RCAN2: variants seen among roughly 807,000 people sequenced by gnomAD.
The protein encoded by RCAN2 is calcipressin-2.
A neutral mutation model predicts 23.6 loss-of-function variants in RCAN2; 9 were observed. The ratio of observed to expected loss-of-function variants is 0.38; its 90% CI spans 0.23 to 0.67. RCAN2 has a LOEUF of 0.67. Ranked by LOEUF, RCAN2 falls within the 30% of genes least tolerant of loss-of-function variation. The pLI, the probability that RCAN2 is intolerant of heterozygous loss-of-function variation, is 0.51. For missense variants in RCAN2, 273 were observed against 302.3 expected (o/e 0.90, Z 0.72); for synonymous variants, 109 against 115.7 (o/e 0.94, Z 0.37).
chr6:46,454,511 A>G (rs1380760069), intron 2 of RCAN2, among the ~76,000 whole-genome samples: 1 of 152,138 alleles, frequency 6.6e-6, no homozygotes, highest in East Asian at 1.9e-4. Context: ...TGGTATCCTA[A>G]AGACTGTCCA....
At chr6:46,352,367 A>G (rs1764681269) in intron 2 of RCAN2, among the ~76,000 whole-genome samples, 2 of 152,212 alleles carry the variant, frequency 1.3e-5, no homozygotes, top group African/African-American at 4.8e-5. Context: ...ATTTGTACCC[A>G]AATCTCTGAG....
At chr6:46,291,872 G>A (rs1206805942) in intron 2 of RCAN2, among the ~76,000 whole-genome samples, 1 of 152,094 alleles carries the variant, frequency 6.6e-6, no homozygotes, top group Non-Finnish European at 1.5e-5. Context: ...GGGAAAGTAC[G>A]TGGAATTTGA....
chr6:46,388,029 C>T (rs1229689671), intron 2 of RCAN2, among the ~76,000 whole-genome samples: 2 of 151,750 alleles, frequency 1.3e-5, no homozygotes, highest in African/African-American at 2.4e-5. Context: ...CGCACGTTCT[C>T]ACTCATAGGT....
At position 46,425,992 on chromosome 6, in the gene RCAN2, G is replaced by A. The variant is rs142545658; in HGVS notation, c.225+30760C>T. Among the ~76,000 whole-genome samples, 276 of 149,256 alleles carry A rather than the reference G, an allele frequency of 1.8e-3. 1 individual carries two copies. Among genetic ancestry groups the A allele is most frequent in the African/African-American group, 6.1e-3 (245 of 40,426 alleles). ...TGGCTCACTGCAACCTCTGTCTCCC[G>A]GGTTCAAGCGATTCTCCTGCCTCAG... On this transcript the variant is annotated intron_variant, in intron 2 of 4. Coordinates refer to ENST00000371374, the MANE Select transcript of RCAN2 (RefSeq NM_001251974.2).
chr6:46,348,971 C>T (rs1253040558), intron 2 of RCAN2, among the ~76,000 whole-genome samples: 1 of 152,140 alleles, frequency 6.6e-6, no homozygotes, highest in Non-Finnish European at 1.5e-5. Flanking sequence ...TATATCGATA[C>T]TACATCTACA....
chr6:46,304,855 ACTAAGCAATTG>A (rs1291318614), intron 2 of RCAN2, among the ~76,000 whole-genome samples: 1 of 152,176 alleles, frequency 6.6e-6, no homozygotes, highest in East Asian at 1.9e-4. Flanking sequence ...TTAACACCTC[ACTAAGCAATTG>A]CACAATTTAC....
chr6:46,288,100 A>C (rs2150343185), intron 2 of RCAN2, among the ~76,000 whole-genome samples: 1 of 152,310 alleles, frequency 6.6e-6, no homozygotes, highest in Non-Finnish European at 1.5e-5. Context: ...TTAAATAAGA[A>C]CACAGTCAAG....
intron 2 of RCAN2, among the ~76,000 whole-genome samples, chr6:46,385,290 C>T (rs762014213): frequency 1.4e-4 from 22 of 152,130 alleles, no homozygotes; most frequent in Non-Finnish European, 2.8e-4. Context: ...TAGCAGCATT[C>T]TACAATACAC....
At chr6:46,365,802 T>G (rs1452570662) in intron 2 of RCAN2, among the ~76,000 whole-genome samples, 1 of 152,226 alleles carries the variant, frequency 6.6e-6, no homozygotes, top group East Asian at 1.9e-4. Flanking sequence ...GAGCAAACAA[T>G]TAATTGACTA....
intron 2 of RCAN2, among the ~76,000 whole-genome samples, chr6:46,395,577 T>C (rs535980843): frequency 6.6e-6 from 1 of 152,324 alleles, no homozygotes; most frequent in Non-Finnish European, 1.5e-5. Context: ...ATATGTCAGA[T>C]TGTTTCAGTA....
chr6:46,407,482 A>T (rs1479198348), intron 2 of RCAN2, among the ~76,000 whole-genome samples: 1 of 152,232 alleles, frequency 6.6e-6, no homozygotes, highest in Non-Finnish European at 1.5e-5. Context: ...TCAGGCAAAG[A>T]TCCCATCTTT....
intron 2 of RCAN2, among the ~76,000 whole-genome samples, chr6:46,443,186 T>C (rs1046141651): frequency 2.0e-5 from 3 of 152,232 alleles, no homozygotes; most frequent in African/African-American, 7.2e-5. Flanking sequence ...GTATTCCTTA[T>C]ATATTTTATG....
At chr6:46,280,931 C>G (rs1733902677) in intron 2 of RCAN2, among the ~76,000 whole-genome samples, 1 of 152,070 alleles carries the variant, frequency 6.6e-6, no homozygotes, top group African/African-American at 2.4e-5. Flanking sequence ...GAGATGTCAT[C>G]TTTTCCCTAA....
intron 2 of RCAN2, among the ~76,000 whole-genome samples, chr6:46,295,546 C>A (rs1029366974): frequency 8.6e-5 from 13 of 151,882 alleles, no homozygotes; most frequent in African/African-American, 3.1e-4. Context: ...TGAAGAGGGG[C>A]CAGAGTAAGA....
At chr6:46,427,064 G>A (rs910515399) in intron 2 of RCAN2, among the ~76,000 whole-genome samples, 2 of 152,096 alleles carry the variant, frequency 1.3e-5, no homozygotes, top group Admixed American at 6.5e-5. Flanking sequence ...CTTATTAGGA[G>A]GGTAAGAGAG....
intron 2 of RCAN2, among the ~76,000 whole-genome samples, chr6:46,309,579 C>T (rs1401255170): frequency 6.6e-6 from 1 of 152,104 alleles, no homozygotes; most frequent in Admixed American, 6.6e-5. Flanking sequence ...TAGGTTGGTG[C>T]TCAAGGTCAT....
chr6:46,223,176 G>T lies in RCAN2; in HGVS notation c.697C>A (p.Arg233=). 1 of 1,613,740 alleles carries T rather than the reference G, an allele frequency of 6.2e-7. No individual in the cohort carries two copies. The highest frequency in any genetic ancestry group is 1.1e-5 in the South Asian group (1 of 91,052). ...ACGGAGGGTGGCAGGCCAGGACGCC[G>T]AGTTTGGATGATTTTTGGCTTTGGG... The part of the protein sequence containing the change: ...TSPKPKIIQT[R]RPGLPPSVSN The change falls in exon 5 of 5, where the codon CGG becomes AGG. Residue 233 remains arginine, a synonymous_variant. Transcript: ENST00000371374.
intron 2 of RCAN2, among the ~76,000 whole-genome samples, chr6:46,363,255 T>G (rs1420291732): frequency 6.6e-6 from 1 of 152,142 alleles, no homozygotes; most frequent in Admixed American, 6.5e-5. Context: ...TTTCTTGTCT[T>G]GTGTGTATCA....
intron 2 of RCAN2, among the ~76,000 whole-genome samples, chr6:46,455,458 A>C (rs1282704346): frequency 1.3e-5 from 2 of 152,202 alleles, no homozygotes; most frequent in Admixed American, 1.3e-4. Context: ...TAATTATGCC[A>C]GACACAGACT....
Sources: gnomAD v4.1 joint callset for allele counts (sites outside exome capture counted in the v4.1 genomes callset) on GRCh38, gnomAD v4.1.1 for gene constraint, MANE v1.5 for transcripts, NCBI Gene and HGNC (gene_info 2026-07-23, HGNC 2026-07-21) for gene names.